Variants in PTPN9 observed in about 807,000 individuals in gnomAD.
PTPN9 encodes tyrosine-protein phosphatase non-receptor type 9.
PTPN9 carries 26 observed loss-of-function variants against 69.8 expected under a neutral mutation model. The observed-to-expected ratio is 0.37, with a 90% CI of 0.27 to 0.52. PTPN9 has a LOEUF of 0.52. Among genes scored for constraint, PTPN9 ranks in the 20% least tolerant of loss-of-function variants. The pLI is 0.91. For missense variants in PTPN9, 549 were observed against 740.3 expected, an observed-to-expected ratio of 0.74 and a Z score of 3.00; for synonymous variants, 274 against 272.5, an observed-to-expected ratio of 1.01 and a Z score of -0.05.
chr15:75,561,879 T>C (rs1240941977), intron 1 of PTPN9, among the ~76,000 whole-genome samples: 1 of 152,050 alleles, frequency 6.6e-6, no homozygotes, highest in African/African-American at 2.4e-5. Context: ...CAGGCTAATT[T>C]TGTATGTTTA....
At chr15:75,541,184 C>A (rs1163529265) in intron 1 of PTPN9, among the ~76,000 whole-genome samples, 2 of 150,116 alleles carry the variant, frequency 1.3e-5, no homozygotes, top group African/African-American at 2.5e-5. Context: ...AAGTCCTAGG[C>A]TCAAATGATT....
chr15:75,525,870 A>T (rs1390531893), intron 2 of PTPN9, among the ~76,000 whole-genome samples: 1 of 151,900 alleles, frequency 6.6e-6, no homozygotes, highest in Non-Finnish European at 1.5e-5. Context: ...ATCTGCAGTG[A>T]GCTGAGATCA....
chr15:75,500,840 T>C (rs561962068), intron 7 of PTPN9, among the ~76,000 whole-genome samples: 6 of 152,080 alleles, frequency 3.9e-5, no homozygotes, highest in African/African-American at 1.2e-4. Context: ...TGAGCCATGA[T>C]CATGCCACTA....
chr15:75,532,833 A>G (rs929472805), intron 1 of PTPN9, among the ~76,000 whole-genome samples: 1 of 152,158 alleles, frequency 6.6e-6, no homozygotes, highest in Non-Finnish European at 1.5e-5. Context: ...ATCTTCAACA[A>G]CCTTCCTTTA....
intron 9 of PTPN9, among the ~76,000 whole-genome samples, chr15:75,478,219 C>T (rs2074607957): frequency 6.6e-6 from 1 of 151,982 alleles, no homozygotes; most frequent in South Asian, 2.1e-4. Flanking sequence ...GATTCTCCTG[C>T]CTCAGCCTCC....
chr15:75,560,419 G>C (rs1421816569), intron 1 of PTPN9, among the ~76,000 whole-genome samples: 1 of 152,144 alleles, frequency 6.6e-6, no homozygotes, highest in African/African-American at 2.4e-5. Flanking sequence ...GGAAGAGCTA[G>C]AGCCTCCTTA....
intron 9 of PTPN9, among the ~76,000 whole-genome samples, chr15:75,478,770 G>C (rs992537842): frequency 2.2e-4 from 33 of 152,200 alleles, no homozygotes; most frequent in Non-Finnish European, 3.1e-4. Flanking sequence ...CATATCAGGA[G>C]GTGTACATAA....
chr15:75,523,687 G>A (rs148828226), intron 3 of PTPN9, among the ~76,000 whole-genome samples: 1 of 152,284 alleles, frequency 6.6e-6, no homozygotes, highest in Admixed American at 6.5e-5. Context: ...AAATATGGAA[G>A]CATGGGTGTC....
chr15:75,535,162 A>AT (rs1472741883), intron 1 of PTPN9, among the ~76,000 whole-genome samples: 4 of 151,216 alleles, frequency 2.6e-5, no homozygotes, highest in Admixed American at 6.6e-5. Flanking sequence ...ATGCCTGGCT[A>AT]TTTTTTTGTA....
chr15:75,525,930 A>T (rs570809013), intron 2 of PTPN9, among the ~76,000 whole-genome samples: 5 of 152,042 alleles, frequency 3.3e-5, no homozygotes, highest in Non-Finnish European at 5.9e-5. Context: ...GTCTCAAAAA[A>T]AAAAGTGCTT....
chr15:75,558,898 G>T (rs1462393292), intron 1 of PTPN9, among the ~76,000 whole-genome samples: 4 of 151,684 alleles, frequency 2.6e-5, no homozygotes, highest in Non-Finnish European at 5.9e-5. Flanking sequence ...CCTCCCAGCC[G>T]CCTGCCTTGG....
At chr15:75,566,656 G>A (rs1235000248) in intron 1 of PTPN9, among the ~76,000 whole-genome samples, 3 of 151,766 alleles carry the variant, frequency 2.0e-5, no homozygotes, top group African/African-American at 7.3e-5. Flanking sequence ...TCCAGCCTGG[G>A]CGACAGAGTC....
chr15:75,552,475 C>G (rs1007550218), intron 1 of PTPN9, among the ~76,000 whole-genome samples: 1 of 152,022 alleles, frequency 6.6e-6, no homozygotes, highest in Non-Finnish European at 1.5e-5. Context: ...ACTTTGAACA[C>G]CCATACAACC....
chr15:75,469,636 C>A (rs1567459252), intron 12 of PTPN9, among the ~76,000 whole-genome samples, 156 bp downstream of exon 12: 1 of 152,244 alleles, frequency 6.6e-6, no homozygotes, highest in Non-Finnish European at 1.5e-5. Context: ...CTTGGTCCAC[C>A]AAAAGGACAT....
chr15:75,505,804 A>T lies in PTPN9; in HGVS notation c.839T>A (p.Val280Asp). Residue 280 changes from valine (V) to aspartate (D), a missense_variant, in exon 7 of 13, where the codon GTT (valine) becomes GAT (aspartate). By Grantham distance (152) the Val-to-Asp change is radical. Coordinates refer to ENST00000618819, the MANE Select transcript of PTPN9 (RefSeq NM_002833.4). ...GATGGTCATAGCATGGGGACCTGGA[A>T]CATGTACTGAGTCCCAGTCTAAGGC... Reference protein sequence around the residue: ...PPALDWDSVHVPGPHAMTIQE... With the variant: ...PPALDWDSVHDPGPHAMTIQE... 1 of 1,614,156 alleles carries T rather than the reference A, an allele frequency of 6.2e-7. No homozygotes were observed.
chr15:75,517,339 C>A lies in PTPN9; in HGVS notation c.448G>T (p.Val150Leu), dbSNP rs761083078. The change falls in exon 5 of 13, where the codon GTG (valine) becomes TTG (leucine). Residue 150 changes from valine to leucine, a missense_variant. Physicochemically the swap from Val to Leu is conservative, Grantham distance 32 (BLOSUM62 1). Coordinates refer to ENST00000618819, the MANE Select transcript of PTPN9 (RefSeq NM_002833.4). ...GAACCACACATGTCATAGATAAACACCAGTCCATTCCTCTGAGTTTCAAAG... is the reference window on the plus strand; with the variant it reads ...GAACCACACATGTCATAGATAAACAACAGTCCATTCCTCTGAGTTTCAAAG... The part of the protein sequence containing the change: ...DSFETQRNGL[V>L]FIYDMCGSNY... The A allele has an allele frequency of 6.2e-7, 1 of 1,613,190 alleles. No individual in the cohort carries two copies. The highest frequency in any genetic ancestry group is 1.7e-5 in the Admixed American group (1 of 59,834).
chr15:75,504,657 G>A (rs1307298169), intron 7 of PTPN9, among the ~76,000 whole-genome samples: 10 of 140,262 alleles, frequency 7.1e-5, no homozygotes, highest in African/African-American at 1.3e-4. Context: ...TCAGCCCCCC[G>A]CCCGGCCAGC....
chr15:75,506,005 TG>T lies in PTPN9; in HGVS notation c.640-3del. On this transcript the variant is annotated splice_region_variant and splice_polypyrimidine_tract_variant and intron_variant, in intron 6 of 12. Coordinates refer to ENST00000618819, the MANE Select transcript of PTPN9 (RefSeq NM_002833.4). ...CTCAGATGTCTTTAATATTTGAATC[TG>T]GAAGGTTAGAAAGAACCATGTGAGT... 1 of 1,603,536 alleles carries T rather than the reference TG, an allele frequency of 6.2e-7. No individual in the cohort carries two copies. The highest frequency in any genetic ancestry group is 1.7e-4 in the Middle Eastern group (1 of 6,026).
chr15:75,469,943 A>C lies in PTPN9; in HGVS notation c.1416T>G (p.Gly472=), dbSNP rs2074555188. ...HFQFLSWPDY[G]VPSSAASLID... ...TGAGGGAAGCTGCTGAGGAAGGGAC[A>C]CCATAGTCTGGCCAGCTCAAGAACT... Residue 472 remains glycine, a synonymous_variant, in exon 12 of 13, where the codon GGT becomes GGG. Transcript: ENST00000618819. 1 of 1,614,052 alleles carries C rather than the reference A, an allele frequency of 6.2e-7. No individual in the cohort carries two copies. The highest frequency in any genetic ancestry group is 8.5e-7 in the Non-Finnish European group (1 of 1,179,990).
Sources: allele counts gnomAD v4.1 joint callset (sites outside exome capture counted in the v4.1 genomes callset), GRCh38; gene constraint gnomAD v4.1.1; transcripts MANE v1.5; gene names NCBI Gene and HGNC (gene_info 2026-07-23, HGNC 2026-07-21).